Variants in CWC27 observed in about 807,000 individuals in gnomAD.
CWC27 encodes the protein spliceosome-associated protein CWC27 homolog.
Under a neutral mutation model 63.6 loss-of-function variants are expected in CWC27, and 47 were observed. That is an observed-to-expected ratio of 0.74 (90% CI 0.58 to 0.94). CWC27 has a LOEUF of 0.94. CWC27 is among the 40% of genes least tolerant of loss of function. The pLI, the probability that CWC27 is intolerant of heterozygous loss-of-function variation, is 0.00. For synonymous variants in CWC27, 175 were observed against 179.8 expected (o/e 0.97, Z 0.22); for missense variants, 495 against 554.3 (o/e 0.89, Z 1.07).
intron 10 of CWC27, among the ~76,000 whole-genome samples, chr5:64,863,307 C>T: frequency 6.6e-6 from 1 of 152,100 alleles, no homozygotes; most frequent in East Asian, 1.9e-4. Flanking sequence ...ACACTGCTTA[C>T]AGTGTTAAAT....
intron 10 of CWC27, among the ~76,000 whole-genome samples, chr5:64,885,056 G>A (rs1696270063): frequency 6.6e-6 from 1 of 152,016 alleles, no homozygotes; most frequent in African/African-American, 2.4e-5. Context: ...AACCATTTTT[G>A]AAGCCAAATT....
intron 10 of CWC27, among the ~76,000 whole-genome samples, chr5:64,878,786 C>G (rs547673373): frequency 2.0e-5 from 3 of 151,766 alleles, no homozygotes; most frequent in African/African-American, 7.2e-5. Flanking sequence ...GTAATTATGA[C>G]TAGTATGTTT....
At chr5:64,847,435 C>T (rs543561880) in intron 10 of CWC27, among the ~76,000 whole-genome samples, 1 of 152,246 alleles carries the variant, frequency 6.6e-6, no homozygotes, top group African/African-American at 2.4e-5. Context: ...AGCACAATAA[C>T]AACAGGGGAC....
At chr5:64,825,743 G>A (rs1198213426) in intron 10 of CWC27, among the ~76,000 whole-genome samples, 1 of 152,144 alleles carries the variant, frequency 6.6e-6, no homozygotes, top group East Asian at 1.9e-4. Context: ...GGTTTTGTAA[G>A]TCAGCTTGGT....
intron 11 of CWC27, among the ~76,000 whole-genome samples, chr5:64,918,897 C>T (rs1747941079): frequency 6.6e-6 from 1 of 152,148 alleles, no homozygotes; most frequent in African/African-American, 2.4e-5. Context: ...CCACATTGAA[C>T]ATGAGCAAAG....
chr5:64,903,393 G>A lies in CWC27; in HGVS notation c.1042+17847G>A, dbSNP rs140780813. 8.5e-3 allele frequency among the ~76,000 whole-genome samples: 1,288 copies of A among 152,186 alleles called. 18 individuals carry two copies. The highest frequency in any genetic ancestry group is 0.031 in the Middle Eastern group (9 of 294). On this transcript the variant is annotated intron_variant, in intron 11 of 13. Coordinates refer to ENST00000381070, the MANE Select transcript of CWC27 (RefSeq NM_005869.4). ...CCTTTGCAAGGACATGGATGAAGCT[G>A]GAAACCATCATTCTCAGCAAACTAA...
At chr5:64,932,152 T>C (rs1277851611) in intron 11 of CWC27, among the ~76,000 whole-genome samples, 1 of 152,146 alleles carries the variant, frequency 6.6e-6, no homozygotes, top group Non-Finnish European at 1.5e-5. Flanking sequence ...TATTAACATT[T>C]TACTGTTGAA....
intron 3 of CWC27, among the ~76,000 whole-genome samples, chr5:64,783,081 T>G (rs1265923433): frequency 6.6e-6 from 1 of 152,232 alleles, no homozygotes; most frequent in Non-Finnish European, 1.5e-5. Flanking sequence ...TATACAGAGT[T>G]ATGATCCATT....
At chr5:65,014,131 CAA>C (rs1397099371) in intron 13 of CWC27, among the ~76,000 whole-genome samples, 2 of 150,054 alleles carry the variant, frequency 1.3e-5, no homozygotes, top group Non-Finnish European at 3.0e-5. Flanking sequence ...AAAACAATAA[CAA>C]AAAAACCACT....
intron 3 of CWC27, among the ~76,000 whole-genome samples, chr5:64,783,225 CTAATA>C (rs1743760550): frequency 1.3e-5 from 2 of 152,098 alleles, no homozygotes; most frequent in Admixed American, 1.3e-4. Flanking sequence ...AACTAAGAGA[CTAATA>C]TATTTGTTAA....
intron 13 of CWC27, among the ~76,000 whole-genome samples, chr5:64,986,068 C>T (rs759965168): frequency 1.4e-4 from 22 of 152,022 alleles, no homozygotes; most frequent in Admixed American, 3.9e-4. Context: ...GCTGACATTT[C>T]TTCTGCTTGC....
Position 64,906,592 on chromosome 5 carries a change from TG to T in CWC27, c.1042+21047del, listed in dbSNP as rs1451623059. On this transcript the variant is annotated intron_variant, in intron 11 of 13. Coordinates refer to ENST00000381070, the MANE Select transcript of CWC27 (RefSeq NM_005869.4). ...TTAGCCCTTTGTCAAATGGATAGAT[TG>T]CAAAAATTTTCTCCCATTCTGTAGG... Among the ~76,000 whole-genome samples, 4 of 152,356 alleles carry T rather than the reference TG, an allele frequency of 2.6e-5. No homozygotes were observed. In the East Asian group the frequency reaches 7.7e-4, roughly 29 times the overall value.
Position 64,900,311 on chromosome 5 carries a change from T to C in CWC27, c.1042+14765T>C, listed in dbSNP as rs191279246. ...GTTTTGATTTACATTTAATTAATAA[T>C]GATGTTGAGCATTGTTTCATGTGCT... On this transcript the variant is annotated intron_variant, in intron 11 of 13. Transcript: ENST00000381070. 6.2e-4 allele frequency among the ~76,000 whole-genome samples: 95 copies of C among 152,350 alleles called. 1 individual carries two copies. The highest frequency in any genetic ancestry group is 2.2e-3 in the African/African-American group (91 of 41,582).
intron 10 of CWC27, among the ~76,000 whole-genome samples, chr5:64,821,454 G>A (rs1745195691): frequency 6.6e-6 from 1 of 152,126 alleles, no homozygotes; most frequent in East Asian, 1.9e-4. Flanking sequence ...GGACTATTAA[G>A]CCAAAAAGGA....
intron 11 of CWC27, among the ~76,000 whole-genome samples, chr5:64,922,171 C>T (rs1272379024): frequency 6.6e-6 from 1 of 152,166 alleles, no homozygotes; most frequent in Non-Finnish European, 1.5e-5. Context: ...ATTTGAATGT[C>T]AATCTCTCTA....
At chr5:64,880,249 G>A (rs768348165) in intron 10 of CWC27, among the ~76,000 whole-genome samples, 2 of 151,780 alleles carry the variant, frequency 1.3e-5, no homozygotes, top group Non-Finnish European at 2.9e-5. Flanking sequence ...TCCCTCCTTG[G>A]AATTTAGGCT....
intron 10 of CWC27, among the ~76,000 whole-genome samples, chr5:64,857,398 G>A (rs10940008): frequency 0.36 from 55,244 of 151,986 alleles, 10,629 homozygotes; most frequent in East Asian, 0.51. Context: ...AAAAAGATCT[G>A]CTGTTAAGTA....
In CWC27 at chr5:64,987,139, A is replaced by G. The variant is rs141503762; in HGVS notation, c.1256+9901A>G. On this transcript the variant is annotated intron_variant, in intron 13 of 13. Coordinates refer to ENST00000381070, the MANE Select transcript of CWC27 (RefSeq NM_005869.4). Reference sequence around the variant, plus strand: ...GGTGCACAATGTGCAGGTTAGTTACATATCAGTTTCCTCTTTTTTGCATTA... The same window carrying G: ...GGTGCACAATGTGCAGGTTAGTTACGTATCAGTTTCCTCTTTTTTGCATTA... Among the ~76,000 whole-genome samples the G allele has an allele frequency of 4.1e-3, 618 of 152,036 alleles. 2 individuals are homozygous for G. Among genetic ancestry groups the G allele is most frequent in the African/African-American group, 0.014 (577 of 41,524 alleles).
At chr5:65,010,874 C>G (rs1394276867) in intron 13 of CWC27, among the ~76,000 whole-genome samples, 1 of 152,122 alleles carries the variant, frequency 6.6e-6, no homozygotes, top group Non-Finnish European at 1.5e-5. Flanking sequence ...CATAATTGCT[C>G]AATGATTTGG....
Sources: allele counts gnomAD v4.1 joint callset (sites outside exome capture counted in the v4.1 genomes callset), GRCh38; gene constraint gnomAD v4.1.1; transcripts MANE v1.5; gene names NCBI Gene and HGNC (gene_info 2026-07-23, HGNC 2026-07-21).